CCSER1: variants seen among roughly 807,000 people sequenced by gnomAD.
CCSER1 encodes the protein coiled-coil serine rich protein 1.
A neutral mutation model predicts 82.0 loss-of-function variants in CCSER1; 41 were observed. That is an observed-to-expected ratio of 0.50 (90% CI 0.39 to 0.65). The LOEUF (loss-of-function observed/expected upper bound fraction) is 0.65. Ranked by LOEUF, CCSER1 falls within the 30% of genes least tolerant of loss-of-function variation. CCSER1 has a pLI of 0.00. For missense variants in CCSER1, 1,119 were observed against 1,064.2 expected (o/e 1.05, Z -0.72); for synonymous variants, 414 against 383.9 (o/e 1.08, Z -0.92).
intron 5 of CCSER1, among the ~76,000 whole-genome samples, chr4:90,534,155 A>T (rs1287420356): frequency 6.6e-6 from 1 of 152,230 alleles, no homozygotes; most frequent in Non-Finnish European, 1.5e-5. Context: ...TTTGAGACAC[A>T]GTCTCGCTCT....
At chr4:90,184,064 C>G (rs913946429) in intron 1 of CCSER1, among the ~76,000 whole-genome samples, 5 of 152,040 alleles carry the variant, frequency 3.3e-5, no homozygotes, top group Non-Finnish European at 7.4e-5. Flanking sequence ...GTATCTAGCA[C>G]TAGTCTAGAA....
intron 6 of CCSER1, chr4:90,642,051 G>A: frequency 4.1e-6 from 1 of 243,388 alleles, no homozygotes; most frequent in Non-Finnish European, 9.2e-6. Context: ...AACATAACAG[G>A]TATACAGCAG....
At chr4:90,429,073 T>TTG (rs1757919299) in intron 4 of CCSER1, among the ~76,000 whole-genome samples, 2 of 151,802 alleles carry the variant, frequency 1.3e-5, no homozygotes, top group African/African-American at 4.8e-5. Flanking sequence ...ATTTGTGTAT[T>TTG]TGTGTGTGTT....
At chr4:91,085,417 G>T (rs543505931) in intron 9 of CCSER1, among the ~76,000 whole-genome samples, 1 of 152,124 alleles carries the variant, frequency 6.6e-6, no homozygotes, top group South Asian at 2.1e-4. Context: ...TGCTTATTAG[G>T]AACTTAAAGT....
chr4:90,589,337 T>C (rs1450220531), intron 5 of CCSER1, among the ~76,000 whole-genome samples: 2 of 152,076 alleles, frequency 1.3e-5, no homozygotes, highest in Non-Finnish European at 2.9e-5. Flanking sequence ...GTTTATAGGG[T>C]TTATAATTTT....
At chr4:90,874,907 G>A (rs748977060) in intron 8 of CCSER1, among the ~76,000 whole-genome samples, 2 of 152,172 alleles carry the variant, frequency 1.3e-5, no homozygotes, top group South Asian at 4.1e-4. Context: ...TTAGCTGGGC[G>A]TAGTGATGCA....
intron 10 of CCSER1, among the ~76,000 whole-genome samples, chr4:91,146,969 C>A (rs1729604762): frequency 6.6e-6 from 1 of 152,134 alleles, no homozygotes; most frequent in African/African-American, 2.4e-5. Flanking sequence ...GGTGGAGCCC[C>A]TTTCAATTAC....
At position 90,400,106 on chromosome 4, in the gene CCSER1, A is replaced by G. The variant is rs759232585; in HGVS notation, c.1580A>G (p.Glu527Gly). The change falls in exon 4 of 11, where the codon GAG (glutamate) becomes GGG (glycine). Residue 527 changes from glutamate to glycine, a missense_variant. Physicochemically the swap from Glu to Gly is moderately conservative, Grantham distance 98. Transcript: ENST00000509176. ...CTAATGCTTGATCTTGAATTTTTAGAGGAACAGAGTCTTCACCCTTCTGGT... is the reference window on the plus strand; with the variant it reads ...CTAATGCTTGATCTTGAATTTTTAGGGGAACAGAGTCTTCACCCTTCTGGT... Reference protein sequence around the residue: ...DDLMLDLEFLEEQSLHPSVCR... With the variant: ...DDLMLDLEFLGEQSLHPSVCR... 1.9e-6 allele frequency: 3 copies of G among 1,599,284 alleles called. No individual in the cohort carries two copies. Among genetic ancestry groups the G allele is most frequent in the Non-Finnish European group, 1.7e-6 (2 of 1,167,482 alleles).
chr4:90,338,231 T>A (rs891301519), intron 3 of CCSER1, among the ~76,000 whole-genome samples: 7 of 152,214 alleles, frequency 4.6e-5, no homozygotes, highest in African/African-American at 1.7e-4. Context: ...TATTCCTGAA[T>A]GTCTAATGCA....
At chr4:90,787,687 G>T (rs920236519) in intron 7 of CCSER1, among the ~76,000 whole-genome samples, 2 of 152,142 alleles carry the variant, frequency 1.3e-5, no homozygotes, top group Admixed American at 6.6e-5. Flanking sequence ...ACTTGATTAT[G>T]TGTGAAAAGG....
At chr4:91,301,514 C>T (rs1560576205) in intron 10 of CCSER1, among the ~76,000 whole-genome samples, 2 of 149,884 alleles carry the variant, frequency 1.3e-5, no homozygotes, top group East Asian at 3.9e-4. Flanking sequence ...TTATTTGCCT[C>T]TCTGTCTATG....
intron 6 of CCSER1, among the ~76,000 whole-genome samples, chr4:90,713,945 AT>A (rs1318532929): frequency 2.6e-5 from 4 of 151,740 alleles, no homozygotes; most frequent in Non-Finnish European, 4.4e-5. Flanking sequence ...GCTACCTGTG[AT>A]TGAATTGTGA....
chr4:90,313,175 A>G (rs1038118389), intron 3 of CCSER1, 128 bp downstream of exon 3: 3 of 793,504 alleles, frequency 3.8e-6, no homozygotes, highest in Admixed American at 2.5e-5. Context: ...ATTTGTTTCC[A>G]TAGTTGACAT....
At chr4:91,449,323 A>C (rs1254446314) in intron 10 of CCSER1, among the ~76,000 whole-genome samples, 1 of 151,982 alleles carries the variant, frequency 6.6e-6, no homozygotes, top group Non-Finnish European at 1.5e-5. Flanking sequence ...AAAAATGAGA[A>C]AAGTGGTGGT....
intron 10 of CCSER1, among the ~76,000 whole-genome samples, chr4:91,327,911 TA>T (rs1403844937): frequency 1.2e-4 from 18 of 152,312 alleles, no homozygotes; most frequent in Admixed American, 7.8e-4. Context: ...GTCTCTTTGC[TA>T]AAGCATAACA....
intron 2 of CCSER1, among the ~76,000 whole-genome samples, chr4:90,310,103 T>C (rs1446001484): frequency 6.6e-6 from 1 of 152,058 alleles, no homozygotes; most frequent in Non-Finnish European, 1.5e-5. Flanking sequence ...TTAATTAGGA[T>C]CCATGTTTCA....
intron 9 of CCSER1, among the ~76,000 whole-genome samples, chr4:91,038,261 A>G (rs1378372561): frequency 2.0e-5 from 3 of 152,210 alleles, no homozygotes; most frequent in Non-Finnish European, 2.9e-5. Context: ...CATTTATAGT[A>G]AAGAAATATT....
intron 9 of CCSER1, among the ~76,000 whole-genome samples, chr4:91,052,764 T>C (rs1743115130): frequency 6.6e-6 from 1 of 152,158 alleles, no homozygotes; most frequent in African/African-American, 2.4e-5. Flanking sequence ...TATGAACATA[T>C]ACCATATTTT....
intron 7 of CCSER1, chr4:90,781,168 C>T: frequency 1.6e-6 from 1 of 640,358 alleles, no homozygotes; most frequent in Non-Finnish European, 1.9e-6. Flanking sequence ...CCAAGCCCCA[C>T]CTCCAGCACT....
Sources: allele counts gnomAD v4.1 joint callset (sites outside exome capture counted in the v4.1 genomes callset), GRCh38; gene constraint gnomAD v4.1.1; transcripts MANE v1.5; gene names NCBI Gene and HGNC (gene_info 2026-07-23, HGNC 2026-07-21).